SYN3: variants seen among roughly 807,000 people sequenced by gnomAD.
The protein encoded by SYN3 is synapsin-3.
Under a neutral mutation model 65.8 loss-of-function variants are expected in SYN3, and 35 were observed. The ratio of observed to expected loss-of-function variants is 0.53; its 90% CI spans 0.41 to 0.70. SYN3 has a LOEUF of 0.70. Ranked by LOEUF, SYN3 falls within the 30% of genes least tolerant of loss-of-function variation. The pLI is 0.00. For synonymous variants in SYN3, 270 were observed against 292.9 expected, an observed-to-expected ratio of 0.92 and a Z score of 0.80; for missense variants, 680 against 749.0, an observed-to-expected ratio of 0.91 and a Z score of 1.08.
intron 4 of SYN3, among the ~76,000 whole-genome samples, chr22:32,907,639 A>T (rs974978255): frequency 1.3e-5 from 2 of 152,186 alleles, no homozygotes; most frequent in East Asian, 3.9e-4. Context: ...AAAAATATCA[A>T]ATTAACAAGC....
intron 12 of SYN3, among the ~76,000 whole-genome samples, chr22:32,521,357 G>T (rs1035179656): frequency 5.9e-5 from 9 of 151,674 alleles, no homozygotes; most frequent in African/African-American, 2.2e-4. Flanking sequence ...GACAGTTGCT[G>T]TATAGAAACA....
At chr22:32,720,631 C>A (rs1456213642) in intron 6 of SYN3, among the ~76,000 whole-genome samples, 1 of 152,230 alleles carries the variant, frequency 6.6e-6, no homozygotes, top group Non-Finnish European at 1.5e-5. Flanking sequence ...TCACTGATCA[C>A]CACCACTGTG....
chr22:32,673,034 ATGG>A (rs2060392851), intron 6 of SYN3, among the ~76,000 whole-genome samples: 1 of 152,208 alleles, frequency 6.6e-6, no homozygotes, highest in South Asian at 2.1e-4. Flanking sequence ...GTGGGAAAAA[ATGG>A]ATCTCAGGGC....
chr22:33,015,396 T>C, intron 1 of SYN3: 1 of 384,052 alleles, frequency 2.6e-6, no homozygotes, highest in South Asian at 2.5e-5. Context: ...GCTAGAAGCC[T>C]TATATTTCTT....
At chr22:32,686,747 C>G (rs1383000446) in intron 6 of SYN3, among the ~76,000 whole-genome samples, 2 of 151,976 alleles carry the variant, frequency 1.3e-5, no homozygotes, top group East Asian at 1.9e-4. Context: ...AGGCGCCCAC[C>G]ACCACGTCCA....
rs568827999 is a variant in SYN3, at chr22:32,544,468, A to G, written c.775-2755T>C. 3.3e-5 allele frequency among the ~76,000 whole-genome samples: 5 copies of G among 152,222 alleles called. No individual in the cohort carries two copies. The East Asian group carries it at 9.7e-4, about 29-fold the overall frequency. On this transcript the variant is annotated intron_variant, in intron 7 of 13. Transcript: ENST00000358763. ...CTTTCTTTAGGTTTTACTCCCTACC[A>G]TTCTCCTGAGACTGATTTGGCCAAG...
intron 7 of SYN3, among the ~76,000 whole-genome samples, chr22:32,594,523 T>C (rs1289785187): frequency 6.6e-6 from 1 of 151,950 alleles, no homozygotes; most frequent in Middle Eastern, 3.5e-3. Context: ...ATTTCACTCT[T>C]GTTGCCCAGG....
At chr22:32,827,650 C>T (rs1417579717) in intron 6 of SYN3, among the ~76,000 whole-genome samples, 1 of 152,190 alleles carries the variant, frequency 6.6e-6, no homozygotes, top group African/African-American at 2.4e-5. Flanking sequence ...AGACAGTGAA[C>T]TTTAAAAAAT....
At chr22:32,867,765 T>C (rs2048724436) in intron 5 of SYN3, among the ~76,000 whole-genome samples, 1 of 152,184 alleles carries the variant, frequency 6.6e-6, no homozygotes, top group Admixed American at 6.5e-5. Flanking sequence ...GTGTTTTTAG[T>C]AGAGACGGGG....
At chr22:32,684,901 C>A (rs1334468577) in intron 6 of SYN3, among the ~76,000 whole-genome samples, 1 of 152,176 alleles carries the variant, frequency 6.6e-6, no homozygotes, top group Non-Finnish European at 1.5e-5. Context: ...TCATTTCCTG[C>A]CCTATCTAAT....
chr22:32,870,928 G>T (rs992365852), intron 4 of SYN3, among the ~76,000 whole-genome samples: 1 of 152,096 alleles, frequency 6.6e-6, no homozygotes, highest in Non-Finnish European at 1.5e-5. Flanking sequence ...CATCATGTGT[G>T]GCAATGTTTT....
At chr22:32,662,668 A>G (rs900144448) in intron 6 of SYN3, among the ~76,000 whole-genome samples, 15 of 152,216 alleles carry the variant, frequency 9.9e-5, no homozygotes, top group Non-Finnish European at 1.6e-4. Flanking sequence ...ATGAGTTAAT[A>G]CAATAGCATT....
chr22:32,555,423 T>C (rs766682905), intron 7 of SYN3, among the ~76,000 whole-genome samples: 7 of 152,308 alleles, frequency 4.6e-5, no homozygotes, highest in Middle Eastern at 3.4e-3. Flanking sequence ...CCAGAAAACA[T>C]TTAAGGCAAC....
At chr22:32,984,675 G>A (rs1054264157) in intron 2 of SYN3, among the ~76,000 whole-genome samples, 1 of 152,166 alleles carries the variant, frequency 6.6e-6, no homozygotes, top group Non-Finnish European at 1.5e-5. Context: ...GAGAGGTGTG[G>A]CTAATAAGGA....
At chr22:32,977,816 A>G (rs1601827474) in intron 3 of SYN3, among the ~76,000 whole-genome samples, 1 of 151,660 alleles carries the variant, frequency 6.6e-6, no homozygotes, top group East Asian at 1.9e-4. Context: ...TGTAGAATCT[A>G]TCAGTTATTC....
intron 6 of SYN3, among the ~76,000 whole-genome samples, chr22:32,781,351 G>A (rs898172431): frequency 2.0e-5 from 3 of 152,066 alleles, no homozygotes; most frequent in Non-Finnish European, 2.9e-5. Flanking sequence ...ATAAATCCCT[G>A]AGAGCCTGAA....
At chr22:32,788,860 C>T (rs542995692) in intron 6 of SYN3, among the ~76,000 whole-genome samples, 80 of 152,344 alleles carry the variant, frequency 5.3e-4, no homozygotes, top group Admixed American at 1.4e-3. Flanking sequence ...TGCCTACCTT[C>T]ATTCTAGAGG....
chr22:32,971,967 G>C, intron 3 of SYN3, among the ~76,000 whole-genome samples: 1 of 152,196 alleles, frequency 6.6e-6, no homozygotes, highest in South Asian at 2.1e-4. Flanking sequence ...CCCAAACTGG[G>C]GTGATGGGGA....
chr22:33,030,574 TAGAGACAGAGAGAGAG>T (rs757723871), intron 1 of SYN3, among the ~76,000 whole-genome samples: 72 of 132,380 alleles, frequency 5.4e-4, no homozygotes, highest in Non-Finnish European at 9.1e-4. Flanking sequence ...GACTGAGAGA[TAGAGACAGAGAGAGAG>T]AGAGACAGAG....
Sources: allele counts gnomAD v4.1 joint callset (sites outside exome capture counted in the v4.1 genomes callset), GRCh38; gene constraint gnomAD v4.1.1; transcripts MANE v1.5; gene names NCBI Gene and HGNC (gene_info 2026-07-23, HGNC 2026-07-21).